GAB2: variants seen among roughly 807,000 people sequenced by gnomAD.
GAB2 encodes the protein GRB2 associated binding protein 2.
A neutral mutation model predicts 65.5 loss-of-function variants in GAB2; 26 were observed. The observed-to-expected ratio is 0.40, with a 90% CI of 0.29 to 0.55. The LOEUF (loss-of-function observed/expected upper bound fraction) is 0.55. Ranked by LOEUF, GAB2 falls within the 20% of genes least tolerant of loss-of-function variation. GAB2 has a pLI of 0.53. For synonymous variants in GAB2, 321 were observed against 329.6 expected (o/e 0.97, Z 0.28); for missense variants, 884 against 875.8 (o/e 1.01, Z -0.12).
intron 2 of GAB2, among the ~76,000 whole-genome samples, chr11:78,269,315 C>T (rs1396083617): frequency 6.6e-6 from 1 of 152,056 alleles, no homozygotes; most frequent in African/African-American, 2.4e-5. Flanking sequence ...AAAACAAAAC[C>T]CAAAAGGTCA....
chr11:78,392,375 T>C (rs1044791354), intron 1 of GAB2: 7 of 152,196 alleles, frequency 4.6e-5, no homozygotes, highest in Non-Finnish European at 1.0e-4. Context: ...TATCTACAGA[T>C]GCTACAATAG....
At position 78,243,470 on chromosome 11, in the gene GAB2, AATAG is replaced by A. The variant is rs1381857227; in HGVS notation, c.620+6683_620+6686del. On this transcript the variant is annotated intron_variant, in intron 3 of 9. Transcript: ENST00000361507. ...GTGACACAGCGAGACTCCGTCTCAA[AATAG>A]ATAAAGGAATAAAATAAAAAAGAAA... Among the ~76,000 whole-genome samples the A allele has an allele frequency of 4.6e-5, 7 of 152,006 alleles. No homozygotes were observed. In the South Asian group the frequency reaches 1.2e-3, roughly 27 times the overall value.
chr11:78,335,177 C>T (rs1178510921), intron 1 of GAB2, among the ~76,000 whole-genome samples: 1 of 152,148 alleles, frequency 6.6e-6, no homozygotes, highest in Non-Finnish European at 1.5e-5. Flanking sequence ...AATGTTTTCT[C>T]CCATTTTGTG....
intron 2 of GAB2, among the ~76,000 whole-genome samples, chr11:78,274,691 A>C (rs1277569020): frequency 6.6e-6 from 1 of 152,162 alleles, no homozygotes. Context: ...AAGCCCTTGA[A>C]ATTACTAAAT....
intron 2 of GAB2, among the ~76,000 whole-genome samples, chr11:78,279,721 T>G (rs1208992154): frequency 6.6e-6 from 1 of 152,232 alleles, no homozygotes; most frequent in African/African-American, 2.4e-5. Flanking sequence ...CCTCTCTGTC[T>G]TCTTTCACTT....
chr11:78,219,052 A>G lies in GAB2; in HGVS notation c.*220T>C. 1 of 540,932 alleles carries G rather than the reference A, an allele frequency of 1.8e-6. No individual in the cohort carries two copies. Among genetic ancestry groups the G allele is most frequent in the South Asian group, 2.7e-5 (1 of 37,164 alleles). 33.5% of individuals were successfully genotyped at this position (540,932 alleles called of 1,614,324 possible). On this transcript the variant is annotated 3_prime_UTR_variant, in exon 10 of 10. Coordinates refer to ENST00000361507, the MANE Select transcript of GAB2 (RefSeq NM_080491.3). ...GGTGGAGGCATGGCCATTACTGATA[A>G]AAATCACAGCTGGGCCCCGAGTGGG...
chr11:78,306,096 T>G (rs911419020), intron 1 of GAB2, among the ~76,000 whole-genome samples: 4 of 152,190 alleles, frequency 2.6e-5, no homozygotes, highest in Non-Finnish European at 5.9e-5. Flanking sequence ...ACCTAGAAAT[T>G]TAATACTTTA....
In GAB2 at chr11:78,396,826, A is replaced by C. The variant is rs916724356; in HGVS notation, c.75+20820T>G. Among the ~76,000 whole-genome samples, 3 of 152,138 alleles carry C rather than the reference A, an allele frequency of 2.0e-5. No homozygotes were observed. The South Asian group carries it at 6.2e-4, about 32-fold the overall frequency. On this transcript the variant is annotated intron_variant, in intron 1 of 9. Transcript: ENST00000361507. ...TGGTCAGGCTGCTCTCCAACTCCTGACCTCAGGTGATCCACCCACCTCAGC... is the reference window on the plus strand; with the variant it reads ...TGGTCAGGCTGCTCTCCAACTCCTGCCCTCAGGTGATCCACCCACCTCAGC...
chr11:78,217,082 TC>T lies in GAB2; in HGVS notation c.*2189del, dbSNP rs1864184217. 2 of 152,384 alleles carry T rather than the reference TC, an allele frequency of 1.3e-5. No individual in the cohort carries two copies. The highest frequency in any genetic ancestry group is 2.9e-5 in the Non-Finnish European group (2 of 68,116). 9.4% of individuals were successfully genotyped at this position (152,384 alleles called of 1,614,324 possible). Reference sequence around the variant, plus strand: ...TCCTCCTCTGTAAAAATCTGACTCATCCCCTTCTAAGGCCTACCTCAGGCAC... The same window carrying T: ...TCCTCCTCTGTAAAAATCTGACTCATCCCTTCTAAGGCCTACCTCAGGCAC... On this transcript the variant is annotated 3_prime_UTR_variant, in exon 10 of 10. Coordinates refer to ENST00000361507, the MANE Select transcript of GAB2 (RefSeq NM_080491.3).
chr11:78,250,486 G>A, intron 2 of GAB2, 86 bp from the exon 3 acceptor site: 1 of 1,229,588 alleles, frequency 8.1e-7, no homozygotes, highest in African/African-American at 1.5e-5. Flanking sequence ...AGAAAAAAGA[G>A]TAAGAGCAGA....
chr11:78,325,235 C>T (rs1349891658), intron 1 of GAB2, among the ~76,000 whole-genome samples: 2 of 152,088 alleles, frequency 1.3e-5, no homozygotes, highest in Non-Finnish European at 2.9e-5. Context: ...AGTTATCCAC[C>T]ACAAAGAACC....
At chr11:78,415,300 G>A (rs908435178) in intron 1 of GAB2, among the ~76,000 whole-genome samples, 15 of 152,030 alleles carry the variant, frequency 9.9e-5, no homozygotes, top group South Asian at 2.1e-4. Flanking sequence ...AATATAACAC[G>A]CCTATGATGT....
chr11:78,231,359 G>GTC (rs1864849976), intron 3 of GAB2, among the ~76,000 whole-genome samples: 1 of 152,006 alleles, frequency 6.6e-6, no homozygotes, highest in African/African-American at 2.4e-5. Context: ...GTGTGTGTGT[G>GTC]TGTGTGTGTG....
intron 4 of GAB2, among the ~76,000 whole-genome samples, chr11:78,226,228 G>A (rs927232668): frequency 3.3e-5 from 5 of 152,182 alleles, no homozygotes; most frequent in African/African-American, 1.2e-4. Flanking sequence ...TTCTCCATTA[G>A]TAGAACATTA....
intron 1 of GAB2, among the ~76,000 whole-genome samples, chr11:78,282,241 T>C (rs1394773290): frequency 1.3e-5 from 2 of 152,184 alleles, no homozygotes; most frequent in Non-Finnish European, 2.9e-5. Context: ...TAAGCAGACA[T>C]TGCACAAAGA....
chr11:78,339,266 T>C (rs898637973), intron 1 of GAB2, among the ~76,000 whole-genome samples: 3 of 152,156 alleles, frequency 2.0e-5, no homozygotes, highest in Non-Finnish European at 4.4e-5. Context: ...TCTTCTTTCA[T>C]TTTGAATTTC....
chr11:78,283,591 T>TC (rs891888429), intron 1 of GAB2, among the ~76,000 whole-genome samples: 2 of 151,592 alleles, frequency 1.3e-5, no homozygotes, highest in African/African-American at 4.8e-5. Flanking sequence ...CTATCCCCCA[T>TC]CCCCCCACCA....
intron 1 of GAB2, among the ~76,000 whole-genome samples, chr11:78,323,285 C>T (rs376188775): frequency 8.5e-5 from 13 of 152,064 alleles, no homozygotes; most frequent in African/African-American, 2.4e-4. Context: ...TGAGACGGGA[C>T]GATCACCTGA....
At chr11:78,379,754 A>T (rs1365741700) in intron 1 of GAB2, among the ~76,000 whole-genome samples, 1 of 152,270 alleles carries the variant, frequency 6.6e-6, no homozygotes, top group Non-Finnish European at 1.5e-5. Flanking sequence ...CTGAACAAAT[A>T]CAACCCTGAA....
Sources: allele counts gnomAD v4.1 joint callset (sites outside exome capture counted in the v4.1 genomes callset), GRCh38; gene constraint gnomAD v4.1.1; transcripts MANE v1.5; gene names NCBI Gene and HGNC (gene_info 2026-07-23, HGNC 2026-07-21).